Variants in ZNF335 observed in about 807,000 individuals in gnomAD.
The protein encoded by ZNF335 is zinc finger protein 335.
A neutral mutation model predicts 145.6 loss-of-function variants in ZNF335; 84 were observed. The observed-to-expected ratio is 0.58, with a 90% confidence interval of 0.48 to 0.69. ZNF335 has a LOEUF of 0.69. Among genes scored for constraint, ZNF335 ranks in the 30% least tolerant of loss-of-function variants. The probability of loss-of-function intolerance (pLI) is 0.00; values close to 1 mark genes in which losing one functional copy is unlikely to be tolerated. For missense variants in ZNF335, 1,865 were observed against 1,809.7 expected (o/e 1.03, Z -0.55); for synonymous variants, 761 against 717.0 (o/e 1.06, Z -0.98).
At chr20:45,966,244 T>A (rs2083950536) in intron 6 of ZNF335, among the ~76,000 whole-genome samples, 2 of 152,104 alleles carry the variant, frequency 1.3e-5, no homozygotes, top group African/African-American at 4.8e-5. Context: ...ATAATTTTTT[T>A]TTTTTTTGGT....
In ZNF335 at chr20:45,967,878, C is replaced by T. The variant is rs770975062; in HGVS notation, c.670G>A (p.Gly224Ser). Residue 224 changes from glycine to serine, a missense_variant, in exon 5 of 28, where the codon GGT becomes AGT. Transcript: ENST00000322927. Reference protein sequence around the residue: ...SSPVQLPPASGAEEPDLQSLE... With the variant: ...SSPVQLPPASSAEEPDLQSLE... ...CTCTGCAGGTCCGGCTCTTCGGCAC[C>T]GGAGGCTGGGGGCAGCTGCACCGGG... The T allele has an allele frequency of 1.4e-4, 224 of 1,612,702 alleles. No homozygotes were observed. The highest frequency in any genetic ancestry group is 1.8e-4 in the Non-Finnish European group (207 of 1,179,694).
At chr20:45,956,212 A>G (rs1488180594) in intron 17 of ZNF335, among the ~76,000 whole-genome samples, 1 of 151,922 alleles carries the variant, frequency 6.6e-6, no homozygotes, top group Non-Finnish European at 1.5e-5. Flanking sequence ...AACATTTCCT[A>G]ATGTTCATTT....
In ZNF335 at chr20:45,948,867, A is replaced by G. The variant is rs904879135; in HGVS notation, c.*86T>C. The G allele has an allele frequency of 1.4e-5, 22 of 1,591,542 alleles. No homozygotes were observed. The highest frequency in any genetic ancestry group is 1.8e-5 in the Non-Finnish European group (21 of 1,165,666). On this transcript the variant is annotated 3_prime_UTR_variant, in exon 28 of 28. Transcript: ENST00000322927. ...TGGCTATCCAGTATCTGGAGATCCT[A>G]AATGAAGAGGGAGGTGAGTCCTGGT... is the stretch of plus-strand genomic sequence containing the variant.
intron 7 of ZNF335, 91 bp from the exon 8 acceptor site, chr20:45,964,081 C>T (rs1240993499): frequency 6.1e-5 from 89 of 1,463,512 alleles, no homozygotes; most frequent in Non-Finnish European, 7.8e-5. Flanking sequence ...AATATCCTCC[C>T]ACCCACTCAT....
At chr20:45,950,897 A>T (rs1426929667) in intron 20 of ZNF335, among the ~76,000 whole-genome samples, 1 of 147,606 alleles carries the variant, frequency 6.8e-6, no homozygotes, top group Non-Finnish European at 1.5e-5. Context: ...CGGGCCCTGA[A>T]TTTTTTTTTT....
chr20:45,949,244 T>C lies in ZNF335; in HGVS notation c.3827A>G (p.Tyr1276Cys). 1 of 1,613,814 alleles carries C rather than the reference T, an allele frequency of 6.2e-7. No individual in the cohort carries two copies. Among genetic ancestry groups the C allele is most frequent in the South Asian group, 1.1e-5 (1 of 91,080 alleles). ...APFLQESQIQYVPVSPGQQLV... is the reference protein window; with the variant it reads ...APFLQESQIQCVPVSPGQQLV... ...CTGCTGGCCTGGGGACACAGGCACA[T>C]ACTGGATCTGGAGGGGAGAAGCTGA... The change falls in exon 27 of 28, where the codon TAT (tyrosine) becomes TGT (cysteine). Residue 1276 changes from tyrosine (Y) to cysteine (C), a missense_variant. Physicochemically the swap from Tyr to Cys is radical, Grantham distance 194 (BLOSUM62 -2). Coordinates refer to ENST00000322927, the MANE Select transcript of ZNF335 (RefSeq NM_022095.4).
At position 45,959,318 on chromosome 20, in the gene ZNF335, G is replaced by A. The variant is rs1203223383; in HGVS notation, c.2136C>T (p.His712=). Residue 712 remains histidine (H), a synonymous_variant, in exon 15 of 28, where the codon CAC becomes CAT. Transcript: ENST00000322927. ...GACGGCGGGAGGGGGGCTCCTCAGG[G>A]TGGCGCCTCCCCCATTCCTCGAAGC... ...ASSFEEWGRR[H]PEEPPSRRRP... The A allele has an allele frequency of 6.3e-7, 1 of 1,582,044 alleles. No homozygotes were observed.
At chr20:45,954,770 CTTTT>C (rs10577924) in intron 17 of ZNF335, among the ~76,000 whole-genome samples, 43 of 90,134 alleles carry the variant, frequency 4.8e-4, no homozygotes, top group African/African-American at 1.4e-3. Context: ...CATACAATTA[CTTTT>C]TTTTTTTTTT....
intron 22 of ZNF335, 26 bp from the exon 23 acceptor site, chr20:45,950,095 C>T: frequency 1.2e-6 from 2 of 1,611,820 alleles, no homozygotes; most frequent in Non-Finnish European, 1.7e-6. Flanking sequence ...AGGATGCTCA[C>T]CTGGGGTCCA....
rs773623564 is a variant in ZNF335, at chr20:45,963,761, G to A, written c.1332C>T (p.Arg444=). The A allele has an allele frequency of 6.2e-7, 1 of 1,614,168 alleles. No individual in the cohort carries two copies. Among genetic ancestry groups the A allele is most frequent in the Non-Finnish European group, 8.5e-7 (1 of 1,179,996 alleles). Residue 444 remains arginine (R), a synonymous_variant, in exon 8 of 28, where the codon CGC becomes CGT. Coordinates refer to ENST00000322927, the MANE Select transcript of ZNF335 (RefSeq NM_022095.4). ...LPRRRGRPSR[R]FLGKKYRKYY... ...ACTTGCGGTATTTCTTGCCTAGGAA[G>A]CGCCTGGAAGGTCGACCTCGGCGCC...
chr20:45,962,701 C>T (rs193270133), intron 9 of ZNF335, among the ~76,000 whole-genome samples: 70 of 152,026 alleles, frequency 4.6e-4, no homozygotes, highest in African/African-American at 1.7e-3. Context: ...CCTACGACCT[C>T]ATTGGGCTGC....
chr20:45,966,566 T>C (rs76810412), intron 6 of ZNF335, among the ~76,000 whole-genome samples: 2 of 151,114 alleles, frequency 1.3e-5, no homozygotes, highest in African/African-American at 4.9e-5. Context: ...TTTTTTTTTT[T>C]CTGAGACAGA....
Position 45,950,489 on chromosome 20 carries a change from T to C in ZNF335, c.3296A>G (p.Lys1099Arg), listed in dbSNP as rs2083610986. ...DLRRHMLTHT[K>R]EKPFACHLCG... ...GAGGTGGCATGCAAAAGGCTTCTCC[T>C]TTGTGTGAGTCAGCATGTGCCGACG... Residue 1099 changes from lysine (K) to arginine (R), a missense_variant, in exon 21 of 28, where the codon AAG (lysine) becomes AGG (arginine). Coordinates refer to ENST00000322927, the MANE Select transcript of ZNF335 (RefSeq NM_022095.4). 6.2e-7 allele frequency: 1 copy of C among 1,614,186 alleles called. No individual in the cohort carries two copies. The highest frequency in any genetic ancestry group is 8.5e-7 in the Non-Finnish European group (1 of 1,180,032).
chr20:45,962,278 G>A (rs533949254), intron 9 of ZNF335, 96 bp from the exon 10 acceptor site: 9 of 959,500 alleles, frequency 9.4e-6, no homozygotes, highest in Middle Eastern at 2.2e-4. Flanking sequence ...GGGTTGCTGC[G>A]GGAGCAGCTC....
chr20:45,957,138 A>AC (rs1251049828), intron 17 of ZNF335, among the ~76,000 whole-genome samples: 1 of 151,984 alleles, frequency 6.6e-6, no homozygotes, highest in Non-Finnish European at 1.5e-5. Flanking sequence ...ATGAACCAAG[A>AC]CCCCTGGAAC....
At chr20:45,968,664 A>C in intron 3 of ZNF335, 1 of 363,216 alleles carries the variant, frequency 2.8e-6, no homozygotes, top group South Asian at 6.0e-5. Flanking sequence ...TCCTCTCCAA[A>C]CTTCTCAAAG....
At chr20:45,953,548 A>G in intron 18 of ZNF335, 141 bp downstream of exon 18, 1 of 1,128,778 alleles carries the variant, frequency 8.9e-7, no homozygotes, top group East Asian at 2.5e-5. Context: ...ACCTCCTGAG[A>G]AGGGTAGACT....
chr20:45,949,064 G>A lies in ZNF335; in HGVS notation c.3918C>T (p.Ala1306=), dbSNP rs938496728. Residue 1306 remains alanine (A), a synonymous_variant, in exon 28 of 28, where the codon GCC becomes GCT. Coordinates refer to ENST00000322927, the MANE Select transcript of ZNF335 (RefSeq NM_022095.4). ...HSAVTAVADA[A]MAQAQGLFGT... The stretch of plus-strand genomic sequence containing the variant: ...CAAACAGGCCCTGGGCTTGGGCCAT[G>A]GCAGCATCAGCCACTGCTGCCAGGG... The A allele has an allele frequency of 6.2e-7, 1 of 1,613,636 alleles. No homozygotes were observed. The highest frequency in any genetic ancestry group is 1.3e-5 in the African/African-American group (1 of 74,934).
rs1424191784 is a variant in ZNF335, at chr20:45,965,747, T to C, written c.983A>G (p.Asp328Gly). The C allele has an allele frequency of 1.0e-5, 16 of 1,605,838 alleles. No homozygotes were observed. The highest frequency in any genetic ancestry group is 1.3e-5 in the Non-Finnish European group (15 of 1,176,330). Residue 328 changes from aspartate to glycine, a missense_variant, in exon 7 of 28, where the codon GAT (aspartate) becomes GGT (glycine). Physicochemically the swap from Asp to Gly is moderately conservative, Grantham distance 94. Coordinates refer to ENST00000322927, the MANE Select transcript of ZNF335 (RefSeq NM_022095.4). ...CCGAAGCTGCCGGCCTCGGGGCTCA[T>C]CCTCAGCTGGATTATAGTCGCTATC... ...EEDSDYNPAE[D>G]EPRGRQLRLQ...
Sources: allele counts gnomAD v4.1 joint callset (sites outside exome capture counted in the v4.1 genomes callset), GRCh38; gene constraint gnomAD v4.1.1; transcripts MANE v1.5; gene names NCBI Gene and HGNC (gene_info 2026-07-23, HGNC 2026-07-21).